EDIL3: variants seen among roughly 807,000 people sequenced by gnomAD.
EDIL3 encodes EGF-like repeat and discoidin I-like domain-containing protein 3.
Under a neutral mutation model 67.4 loss-of-function variants are expected in EDIL3, and 37 were observed. That is an observed-to-expected ratio of 0.55 (90% CI 0.42 to 0.72). EDIL3 has a LOEUF of 0.72. Ranked by LOEUF, EDIL3 falls within the 30% of genes least tolerant of loss-of-function variation. The pLI is 0.00. For synonymous variants in EDIL3, 195 were observed against 196.3 expected (o/e 0.99, Z 0.05); for missense variants, 527 against 586.3 (o/e 0.90, Z 1.04).
At chr5:84,228,092 T>C (rs937385555) in intron 3 of EDIL3, among the ~76,000 whole-genome samples, 1 of 152,040 alleles carries the variant, frequency 6.6e-6, no homozygotes, top group African/African-American at 2.4e-5. Context: ...TATACTTACA[T>C]TACATTTCAA....
chr5:84,262,704 C>T (rs1167971085), intron 1 of EDIL3, among the ~76,000 whole-genome samples: 5 of 64,608 alleles, frequency 7.7e-5, no homozygotes, highest in Non-Finnish European at 1.3e-4. Context: ...TGAAGTCTCA[C>T]TCTGTCACCC....
chr5:84,342,956 T>C (rs1747156064), intron 1 of EDIL3, among the ~76,000 whole-genome samples: 1 of 152,126 alleles, frequency 6.6e-6, no homozygotes, highest in Admixed American at 6.6e-5. Flanking sequence ...ACTTTCTAAC[T>C]TTCAGAGCCG....
intron 8 of EDIL3, among the ~76,000 whole-genome samples, chr5:84,061,426 C>T (rs1005575012): frequency 6.6e-6 from 1 of 152,102 alleles, no homozygotes; most frequent in Non-Finnish European, 1.5e-5. Context: ...AAGCATGATT[C>T]TATCATCATA....
chr5:84,071,214 G>A (rs1349824024), intron 6 of EDIL3, among the ~76,000 whole-genome samples: 1 of 152,164 alleles, frequency 6.6e-6, no homozygotes, highest in East Asian at 1.9e-4. Context: ...AGTCAGTACA[G>A]ATTATAATTC....
intron 1 of EDIL3, among the ~76,000 whole-genome samples, chr5:84,306,960 A>G (rs1427898977): frequency 6.6e-6 from 1 of 152,218 alleles, no homozygotes; most frequent in East Asian, 1.9e-4. Flanking sequence ...TGAGTACTCA[A>G]TAAAACTTAA....
intron 1 of EDIL3, among the ~76,000 whole-genome samples, chr5:84,301,435 T>C (rs2112130809): frequency 6.6e-6 from 1 of 152,302 alleles, no homozygotes; most frequent in East Asian, 1.9e-4. Flanking sequence ...AATCTCAAAA[T>C]AATCCTGTTA....
intron 9 of EDIL3, among the ~76,000 whole-genome samples, chr5:83,972,527 A>G (rs1744811467): frequency 6.6e-6 from 1 of 152,080 alleles, no homozygotes; most frequent in Admixed American, 6.6e-5. Flanking sequence ...AATGAGTAAA[A>G]TAATGTATGT....
chr5:84,138,876 A>G (rs1373105990), intron 4 of EDIL3, among the ~76,000 whole-genome samples: 1 of 152,196 alleles, frequency 6.6e-6, no homozygotes, highest in Admixed American at 6.5e-5. Context: ...TGAGTACCTC[A>G]TAACTTCAAA....
At chr5:84,090,584 A>ATT (rs1347719039) in intron 6 of EDIL3, among the ~76,000 whole-genome samples, 1 of 152,128 alleles carries the variant, frequency 6.6e-6, no homozygotes, top group East Asian at 1.9e-4. Context: ...TCTTCAGATA[A>ATT]TTTTTATGTG....
intron 9 of EDIL3, among the ~76,000 whole-genome samples, chr5:84,010,486 A>G (rs549331789): frequency 5.9e-4 from 90 of 152,136 alleles, no homozygotes; most frequent in South Asian, 1.2e-3. Flanking sequence ...ATTTTTCCAA[A>G]TTATCTTTCC....
chr5:84,166,457 T>C lies in EDIL3; in HGVS notation c.355+13936A>G, dbSNP rs73769757. Among the ~76,000 whole-genome samples the C allele has an allele frequency of 2.0e-3, 300 of 152,240 alleles. 3 individuals are homozygous for C. Among genetic ancestry groups the C allele is most frequent in the African/African-American group, 6.9e-3 (286 of 41,538 alleles). ...GACAATACATTAAATGATTCATTGG[T>C]TAACACACCAAGGCTCATTCATTCA... On this transcript the variant is annotated intron_variant, in intron 4 of 10. Coordinates refer to ENST00000296591, the MANE Select transcript of EDIL3 (RefSeq NM_005711.5).
intron 1 of EDIL3, among the ~76,000 whole-genome samples, chr5:84,322,672 T>A (rs1746673206): frequency 6.6e-6 from 1 of 152,114 alleles, no homozygotes; most frequent in Non-Finnish European, 1.5e-5. Flanking sequence ...TGGCTGAATA[T>A]TCCTCAAATT....
At chr5:84,077,217 A>C (rs1039329816) in intron 6 of EDIL3, among the ~76,000 whole-genome samples, 1 of 152,202 alleles carries the variant, frequency 6.6e-6, no homozygotes, top group African/African-American at 2.4e-5. Context: ...CATCAGTACA[A>C]ACGTTAACAG....
At chr5:83,972,197 C>A (rs2112139517) in intron 9 of EDIL3, among the ~76,000 whole-genome samples, 1 of 152,196 alleles carries the variant, frequency 6.6e-6, no homozygotes, top group African/African-American at 2.4e-5. Flanking sequence ...TCATCTTTGT[C>A]ACATTTGTAT....
At chr5:84,164,683 C>T (rs1392502475) in intron 4 of EDIL3, among the ~76,000 whole-genome samples, 2 of 152,026 alleles carry the variant, frequency 1.3e-5, no homozygotes, top group Non-Finnish European at 2.9e-5. Flanking sequence ...AATTCATTTA[C>T]CCAATATATT....
At chr5:84,330,440 G>A (rs1332615098) in intron 1 of EDIL3, among the ~76,000 whole-genome samples, 1 of 152,102 alleles carries the variant, frequency 6.6e-6, no homozygotes, top group Non-Finnish European at 1.5e-5. Flanking sequence ...TTCAGAATAT[G>A]CATATAGTTG....
At chr5:84,228,401 A>G (rs1431786449) in intron 3 of EDIL3, among the ~76,000 whole-genome samples, 1 of 152,146 alleles carries the variant, frequency 6.6e-6, no homozygotes, top group Non-Finnish European at 1.5e-5. Flanking sequence ...GCAAAGCTTC[A>G]AAGTCAGGGC....
At chr5:84,124,392 A>G (rs577754390) in intron 5 of EDIL3, among the ~76,000 whole-genome samples, 1 of 152,054 alleles carries the variant, frequency 6.6e-6, no homozygotes, top group African/African-American at 2.4e-5. Flanking sequence ...GTTCCCAAGT[A>G]TTCCTGTTCA....
intron 9 of EDIL3, among the ~76,000 whole-genome samples, chr5:84,010,865 T>G (rs1745505701): frequency 6.6e-6 from 1 of 152,180 alleles, no homozygotes; most frequent in South Asian, 2.1e-4. Context: ...CTAGGACAGC[T>G]GAAGAGTGCT....
Sources: gnomAD v4.1 joint callset for allele counts (sites outside exome capture counted in the v4.1 genomes callset) on GRCh38, gnomAD v4.1.1 for gene constraint, MANE v1.5 for transcripts, NCBI Gene and HGNC (gene_info 2026-07-23, HGNC 2026-07-21) for gene names.